PTPRZ1: variants seen among roughly 807,000 people sequenced by gnomAD.
PTPRZ1 encodes the protein protein tyrosine phosphatase receptor type Z1, also known as receptor-type tyrosine-protein phosphatase zeta.
In PTPRZ1, 82 loss-of-function variants were observed where a neutral mutation model predicts 214.1. The observed-to-expected ratio is 0.38, with a 90% CI of 0.32 to 0.46. The LOEUF (loss-of-function observed/expected upper bound fraction) is 0.46. Among genes scored for constraint, PTPRZ1 ranks in the 20% least tolerant of loss-of-function variants. PTPRZ1 has a pLI of 1.00. For synonymous variants in PTPRZ1, 945 were observed against 987.9 expected (o/e 0.96, Z 0.81); for missense variants, 2,603 against 2,748.7 (o/e 0.95, Z 1.19).
chr7:121,954,529 T>G (rs954899316), intron 2 of PTPRZ1, among the ~76,000 whole-genome samples: 73 of 152,344 alleles, frequency 4.8e-4, no homozygotes, highest in African/African-American at 1.7e-3. Context: ...ACTTGTCTCA[T>G]ATCCCATCTG....
chr7:121,882,555 G>T (rs146136937), intron 1 of PTPRZ1, among the ~76,000 whole-genome samples: 182 of 152,168 alleles, frequency 1.2e-3, no homozygotes, highest in African/African-American at 4.0e-3. Context: ...GGTCTCAAAT[G>T]GTAGGTAGGA....
intron 25 of PTPRZ1, among the ~76,000 whole-genome samples, chr7:122,053,244 T>TTA (rs1334665585): frequency 6.6e-6 from 1 of 152,036 alleles, no homozygotes; most frequent in East Asian, 1.9e-4. Flanking sequence ...CTTGATGAGT[T>TTA]TAAAGCAAGC....
In PTPRZ1 at chr7:122,011,274, T is replaced by C; in HGVS notation, c.2228T>C (p.Val743Ala). The C allele has an allele frequency of 6.2e-7, 1 of 1,614,048 alleles. No homozygotes were observed. The highest frequency in any genetic ancestry group is 1.3e-5 in the African/African-American group (1 of 75,048). ...CAGGATTTGGTCTCCACGGTCAACG[T>C]GGTATACTCGCAGACAACCCAACCG... ...RQQDLVSTVN[V>A]VYSQTTQPVY... Residue 743 changes from valine to alanine, a missense_variant, in exon 12 of 30, where the codon GTG (valine) becomes GCG (alanine). By Grantham distance (64) the Val-to-Ala change is moderately conservative (BLOSUM62 0). Around this residue, in one of 6 missense-constraint regions of PTPRZ1, gnomAD observed 1,913 missense variants for 1,914.3 expected, o/e 1.00. Transcript: ENST00000393386.
At chr7:122,014,556 A>G (rs1798789297) in intron 12 of PTPRZ1, among the ~76,000 whole-genome samples, 2 of 152,076 alleles carry the variant, frequency 1.3e-5, no homozygotes, top group Non-Finnish European at 2.9e-5. Flanking sequence ...CTCCTGCCTC[A>G]GCCTCCCGAG....
At chr7:122,051,738 C>A in intron 24 of PTPRZ1, 128 bp from the exon 25 acceptor site, 1 of 956,762 alleles carries the variant, frequency 1.0e-6, no homozygotes, top group Non-Finnish European at 1.6e-6. Flanking sequence ...ATCAGAGACA[C>A]TTCAACTTGA....
At chr7:122,001,808 T>C (rs901755707) in intron 10 of PTPRZ1, among the ~76,000 whole-genome samples, 4 of 152,212 alleles carry the variant, frequency 2.6e-5, no homozygotes, top group Admixed American at 2.6e-4. Flanking sequence ...TGTTCAGTTA[T>C]TACAAAAATG....
chr7:121,911,894 C>G (rs919921576), intron 1 of PTPRZ1, among the ~76,000 whole-genome samples: 8 of 151,880 alleles, frequency 5.3e-5, no homozygotes, highest in African/African-American at 1.2e-4. Context: ...AAAGGTCAGT[C>G]ATTACATTTA....
At position 121,928,166 on chromosome 7, in the gene PTPRZ1, T is replaced by A; in HGVS notation, c.69T>A (p.Asn23Lys). The A allele has an allele frequency of 6.2e-7, 1 of 1,611,858 alleles. No individual in the cohort carries two copies. Among genetic ancestry groups the A allele is most frequent in the Non-Finnish European group, 8.5e-7 (1 of 1,178,278 alleles). The change falls in exon 2 of 30, where the codon AAT becomes AAA. Residue 23 changes from asparagine (N) to lysine (K), a missense_variant. Around this residue, in one of 6 missense-constraint regions of PTPRZ1, gnomAD observed 141 missense variants for 143.7 expected, o/e 0.98. Transcript: ENST00000393386. ...LLCVCRLDWA[N>K]GYYRQQRKLV... The stretch of plus-strand genomic sequence containing the variant: ...TTTTCTTTTTTATAGATTGGGCTAA[T>A]GGATACTACAGACAACAGAGAAAAC...
intron 8 of PTPRZ1, among the ~76,000 whole-genome samples, chr7:121,990,046 CAT>C (rs1797901517): frequency 6.6e-6 from 1 of 151,958 alleles, no homozygotes; most frequent in Non-Finnish European, 1.5e-5. Context: ...TGTATTCCAT[CAT>C]ATAGTTATAA....
intron 23 of PTPRZ1, among the ~76,000 whole-genome samples, chr7:122,045,502 T>C (rs1002202222): frequency 1.3e-5 from 2 of 152,074 alleles, no homozygotes; most frequent in Admixed American, 1.3e-4. Context: ...AAGAGAAAGA[T>C]TGGGATCAAT....
In PTPRZ1 at chr7:122,012,739, A is replaced by C. The variant is rs1028250534; in HGVS notation, c.3693A>C (p.Ser1231=). The C allele has an allele frequency of 1.2e-6, 2 of 1,610,334 alleles. No homozygotes were observed. The highest frequency in any genetic ancestry group is 1.7e-6 in the Non-Finnish European group (2 of 1,176,630). ...ATCTCATTGTATCAAATTCTGCTTC[A>C]AGTGAAAACATGCTGCACTCTACAT... ...MLHLIVSNSA[S]SENMLHSTSV... is the part of the protein sequence containing the mutation. Residue 1231 remains serine (S), a synonymous_variant, in exon 12 of 30, where the codon TCA becomes TCC. Transcript: ENST00000393386.
intron 6 of PTPRZ1, among the ~76,000 whole-genome samples, chr7:121,981,109 C>G (rs755351141): frequency 1.7e-4 from 25 of 150,784 alleles, no homozygotes; most frequent in Non-Finnish European, 2.8e-4. Context: ...CGCCACTGCA[C>G]TCCAGCCTGG....
intron 10 of PTPRZ1, 96 bp downstream of exon 10, chr7:121,998,102 C>A: frequency 1.5e-6 from 2 of 1,360,856 alleles, no homozygotes; most frequent in Non-Finnish European, 2.0e-6. Context: ...TTCTTTTGGC[C>A]AAAAGGCAAA....
At chr7:122,060,193 G>T (rs1382985414) in intron 29 of PTPRZ1, among the ~76,000 whole-genome samples, 1 of 152,110 alleles carries the variant, frequency 6.6e-6, no homozygotes, top group African/African-American at 2.4e-5. Flanking sequence ...GTCTGTTTAA[G>T]GGCCTTATAA....
intron 1 of PTPRZ1, among the ~76,000 whole-genome samples, chr7:121,899,558 G>C (rs568765920): frequency 1.3e-5 from 2 of 152,086 alleles, no homozygotes; most frequent in Admixed American, 1.3e-4. Context: ...GTTTCTTTCA[G>C]GCTATCTCTC....
At chr7:121,973,751 T>C (rs1797331385) in intron 4 of PTPRZ1, among the ~76,000 whole-genome samples, 1 of 151,982 alleles carries the variant, frequency 6.6e-6, no homozygotes. Context: ...CTGGCCAACA[T>C]GGTGAAATGC....
chr7:122,002,309 A>G (rs1335805210), intron 10 of PTPRZ1, among the ~76,000 whole-genome samples: 2 of 152,218 alleles, frequency 1.3e-5, no homozygotes, highest in African/African-American at 4.8e-5. Flanking sequence ...TTTTATATGC[A>G]GTAATATGAA....
At chr7:121,946,927 A>G (rs1796396840) in intron 2 of PTPRZ1, among the ~76,000 whole-genome samples, 1 of 152,192 alleles carries the variant, frequency 6.6e-6, no homozygotes, top group South Asian at 2.1e-4. Flanking sequence ...TGAGATTACG[A>G]AAGTCGAGAA....
chr7:121,976,963 A>G (rs3817483), intron 6 of PTPRZ1, 112 bp downstream of exon 6: 105,882 of 713,286 alleles, frequency 0.15, 9,015 homozygotes, highest in South Asian at 0.31. Context: ...CTACATTTTT[A>G]AAGAGGAGCA....
Sources: gnomAD v4.1 joint callset for allele counts (sites outside exome capture counted in the v4.1 genomes callset) on GRCh38, gnomAD v4.1.1 for gene constraint, gnomAD v4.1.1 regional missense constraint, MANE v1.5 for transcripts, NCBI Gene and HGNC (gene_info 2026-07-23, HGNC 2026-07-21) for gene names.